Variants in DOCK1 observed in about 807,000 individuals in gnomAD.
DOCK1 encodes dedicator of cytokinesis 1.
DOCK1 carries 138 observed loss-of-function variants against 262.7 expected under a neutral mutation model. The ratio of observed to expected loss-of-function variants is 0.53; its 90% confidence interval spans 0.46 to 0.61. The LOEUF is 0.61. DOCK1 is among the 20% of genes least tolerant of loss of function. The probability of loss-of-function intolerance (pLI) is 0.00; values close to 1 mark genes in which losing one functional copy is unlikely to be tolerated. For synonymous variants in DOCK1, 866 were observed against 867.4 expected, an observed-to-expected ratio of 1.00 and a Z score of 0.03; for missense variants, 1,908 against 2,370.7, an observed-to-expected ratio of 0.80 and a Z score of 4.05.
chr10:127,150,185 G>A (rs538854489), intron 27 of DOCK1, among the ~76,000 whole-genome samples: 1 of 152,280 alleles, frequency 6.6e-6, no homozygotes, highest in Admixed American at 6.5e-5. Context: ...TGAGTCACCT[G>A]AATAGGTGAC....
intron 27 of DOCK1, among the ~76,000 whole-genome samples, chr10:127,218,735 C>T (rs2058311635): frequency 6.6e-6 from 1 of 152,102 alleles, no homozygotes; most frequent in Non-Finnish European, 1.5e-5. Context: ...TAAGGTCTGT[C>T]TTAGTTCACT....
At chr10:127,376,890 G>A (rs1393086389) in intron 35 of DOCK1, among the ~76,000 whole-genome samples, 3 of 152,152 alleles carry the variant, frequency 2.0e-5, no homozygotes, top group African/African-American at 4.8e-5. Flanking sequence ...TGAATCTAGG[G>A]TCAGGAAACA....
At chr10:126,909,935 C>T (rs4284327) in intron 1 of DOCK1, among the ~76,000 whole-genome samples, 150,234 of 152,332 alleles carry the variant, frequency 0.99, 74,125 homozygotes, top group East Asian at 1. Flanking sequence ...TGTTTTGCTT[C>T]CTAATTGGGG....
chr10:127,221,960 A>G (rs1282171569), intron 27 of DOCK1, among the ~76,000 whole-genome samples: 1 of 152,202 alleles, frequency 6.6e-6, no homozygotes, highest in Non-Finnish European at 1.5e-5. Context: ...AGCAGTAGAG[A>G]CATTAGCCTC....
intron 1 of DOCK1, among the ~76,000 whole-genome samples, chr10:126,958,990 A>G (rs1348638715): frequency 1.3e-5 from 2 of 152,326 alleles, no homozygotes; most frequent in Non-Finnish European, 2.9e-5. Flanking sequence ...AATCAAATAC[A>G]TGAAGAAATA....
At chr10:127,342,263 A>G (rs1312539467) in intron 30 of DOCK1, among the ~76,000 whole-genome samples, 4 of 152,096 alleles carry the variant, frequency 2.6e-5, no homozygotes, top group African/African-American at 4.8e-5. Context: ...CAAGGCTGAA[A>G]TCGGTGGGAG....
In DOCK1 at chr10:127,418,561, G is replaced by C. The variant is rs369018967; in HGVS notation, c.4692+20G>C. 1.2e-6 allele frequency: 2 copies of C among 1,606,256 alleles called. No homozygotes were observed. Among genetic ancestry groups the C allele is most frequent in the Non-Finnish European group, 8.5e-7 (1 of 1,176,790 alleles). Reference sequence around the variant, plus strand: ...GAAAAGGTACGGGACCCACCAGCTTGCTCTGGGCAAGCAGTCCTGCCCGGG... The same window carrying C: ...GAAAAGGTACGGGACCCACCAGCTTCCTCTGGGCAAGCAGTCCTGCCCGGG... On this transcript the variant is annotated intron_variant, in intron 45 of 51. Coordinates refer to ENST00000623213, the MANE Select transcript of DOCK1 (RefSeq NM_001290223.2).
intron 33 of DOCK1, among the ~76,000 whole-genome samples, chr10:127,364,476 C>G (rs918826927): frequency 2.6e-5 from 4 of 152,174 alleles, no homozygotes; most frequent in African/African-American, 9.7e-5. Flanking sequence ...AAGTGATTCT[C>G]CTGCCTCAGC....
At chr10:127,320,418 G>A (rs1299656783) in intron 29 of DOCK1, among the ~76,000 whole-genome samples, 1 of 152,168 alleles carries the variant, frequency 6.6e-6, no homozygotes, top group Non-Finnish European at 1.5e-5. Context: ...GAGATGCCCA[G>A]GGCTCCCTTG....
rs2040139292 is a variant in DOCK1, at chr10:126,995,654, G to A, written c.474-1094G>A. On this transcript the variant is annotated intron_variant, in intron 6 of 51. Transcript: ENST00000623213. This position sits in a 1 kb window ranked among gnomAD's most constrained non-coding sequence, Gnocchi z 5.8. ...GGAGAGAGAGGGAGAGGGAGACCGTGGAGAGGGAGAGGGAGACCGTGGAGA... is the reference window on the plus strand; with the variant it reads ...GGAGAGAGAGGGAGAGGGAGACCGTAGAGAGGGAGAGGGAGACCGTGGAGA... Among the ~76,000 whole-genome samples, 1 of 95,120 alleles carries A rather than the reference G, an allele frequency of 1.1e-5. No homozygotes were observed. The highest frequency in any genetic ancestry group is 1.5e-4 in the Admixed American group (1 of 6,748). 62.4% of individuals were successfully genotyped at this position (95,120 alleles called of 152,430 possible).
intron 13 of DOCK1, among the ~76,000 whole-genome samples, chr10:127,022,689 C>A (rs1406177784): frequency 1.3e-5 from 2 of 152,194 alleles, no homozygotes; most frequent in Non-Finnish European, 2.9e-5. Flanking sequence ...AGCCACCTCG[C>A]CTGGCCGGTC....
chr10:127,394,819 A>G (rs1376639133), intron 38 of DOCK1, among the ~76,000 whole-genome samples: 1 of 152,086 alleles, frequency 6.6e-6, no homozygotes, highest in Non-Finnish European at 1.5e-5. Flanking sequence ...ACCGAGATGG[A>G]GCCAGGCCCA....
chr10:127,322,248 G>A (rs2062566559), intron 29 of DOCK1, among the ~76,000 whole-genome samples: 1 of 150,378 alleles, frequency 6.6e-6, no homozygotes, highest in African/African-American at 2.5e-5. Context: ...AGAGTGCAGT[G>A]GTGTGATCTC....
chr10:127,284,958 C>T (rs762181901), intron 29 of DOCK1, among the ~76,000 whole-genome samples: 2 of 152,124 alleles, frequency 1.3e-5, no homozygotes, highest in Non-Finnish European at 2.9e-5. Flanking sequence ...TATAGTCAGA[C>T]CTTGTCTCTA....
intron 1 of DOCK1, among the ~76,000 whole-genome samples, chr10:126,938,922 G>C (rs1186147174): frequency 1.9e-5 from 2 of 107,128 alleles, no homozygotes; most frequent in African/African-American, 7.8e-5. Flanking sequence ...CACCTGAAAG[G>C]ATGAACACGG....
chr10:127,429,528 C>T (rs201709888), intron 47 of DOCK1, among the ~76,000 whole-genome samples: 2 of 152,300 alleles, frequency 1.3e-5, no homozygotes. Flanking sequence ...AAAATAAACC[C>T]ATAGAAAGGA....
intron 1 of DOCK1, among the ~76,000 whole-genome samples, chr10:126,938,592 T>G (rs1205892906): frequency 6.6e-6 from 1 of 152,222 alleles, no homozygotes; most frequent in Non-Finnish European, 1.5e-5. Flanking sequence ...TAGGACAACA[T>G]ACATGAGACT....
At chr10:127,093,875 G>C (rs2047740324) in intron 23 of DOCK1, among the ~76,000 whole-genome samples, 1 of 152,138 alleles carries the variant, frequency 6.6e-6, no homozygotes, top group Non-Finnish European at 1.5e-5. Context: ...CAGTTCTGGA[G>C]GCTGGCAAGT....
chr10:127,295,908 T>G (rs1278434552), intron 29 of DOCK1, among the ~76,000 whole-genome samples: 1 of 152,172 alleles, frequency 6.6e-6, no homozygotes, highest in Non-Finnish European at 1.5e-5. Context: ...TGGAGATAAA[T>G]ATTTAAATCT....
Sources: gnomAD v4.1 joint callset for allele counts (sites outside exome capture counted in the v4.1 genomes callset) on GRCh38, gnomAD v4.1.1 for gene constraint, Gnocchi (gnomAD v3.1) non-coding constraint, MANE v1.5 for transcripts, NCBI Gene and HGNC (gene_info 2026-07-23, HGNC 2026-07-21) for gene names.